The following VPS13B variants were observed in gnomAD, a reference collection of about 807,000 sequenced individuals.
The protein encoded by VPS13B is intermembrane lipid transfer protein VPS13B.
A neutral mutation model predicts 426.4 loss-of-function variants in VPS13B; 285 were observed. That is an observed-to-expected ratio of 0.67 (90% CI 0.61 to 0.74). VPS13B has a LOEUF of 0.74. Among genes scored for constraint, VPS13B ranks in the 30% least tolerant of loss-of-function variants. VPS13B has a pLI of 0.00. For synonymous variants in VPS13B, 1,676 were observed against 1,676.4 expected (o/e 1.00, Z 0.01); for missense variants, 4,537 against 4,782.6 (o/e 0.95, Z 1.51).
At chr8:99,469,351 T>A (rs1276328964) in intron 24 of VPS13B, among the ~76,000 whole-genome samples, 1 of 151,918 alleles carries the variant, frequency 6.6e-6, no homozygotes, top group Non-Finnish European at 1.5e-5. Context: ...TTCATTTTTA[T>A]TTTTTTGTAG....
chr8:99,612,755 G>A (rs1031379964), intron 33 of VPS13B, among the ~76,000 whole-genome samples: 1 of 152,202 alleles, frequency 6.6e-6, no homozygotes, highest in African/African-American at 2.4e-5. Flanking sequence ...AGCATTTAGA[G>A]GATTAGGACC....
intron 58 of VPS13B, among the ~76,000 whole-genome samples, chr8:99,863,519 G>C (rs766541066): frequency 6.6e-6 from 1 of 152,114 alleles, no homozygotes; most frequent in African/African-American, 2.4e-5. Flanking sequence ...GCTGGCTGGT[G>C]TGTGGCTGTC....
At chr8:99,807,086 TG>T (rs1431571702) in intron 43 of VPS13B, among the ~76,000 whole-genome samples, 2 of 152,364 alleles carry the variant, frequency 1.3e-5, no homozygotes, top group Admixed American at 1.3e-4. Flanking sequence ...ATTATGCATA[TG>T]GGAAGAAGTG....
chr8:99,521,203 G>T (rs991893813), intron 30 of VPS13B, among the ~76,000 whole-genome samples, 193 bp downstream of exon 30: 2 of 152,114 alleles, frequency 1.3e-5, no homozygotes, highest in Non-Finnish European at 2.9e-5. Context: ...TTTCTGTGAA[G>T]TGTTGATGAA....
chr8:99,596,043 C>T (rs142290041), intron 33 of VPS13B, among the ~76,000 whole-genome samples: 11 of 152,004 alleles, frequency 7.2e-5, no homozygotes, highest in African/African-American at 2.6e-4. Context: ...AATTGGAACC[C>T]TCTTACACTG....
In VPS13B at chr8:99,463,849, T is replaced by A. The variant is rs146498262; in HGVS notation, c.3446-3565T>A. ...CTGGGATTACAGGCGTGCACCACCA[T>A]GTCTGGCTAATTTTTTTGTATTTTT... On this transcript the variant is annotated intron_variant, in intron 23 of 61. Transcript: ENST00000357162. 4.2e-4 allele frequency among the ~76,000 whole-genome samples: 64 copies of A among 152,168 alleles called. No individual in the cohort carries two copies. In the East Asian group the frequency reaches 0.012, roughly 29 times the overall value.
intron 31 of VPS13B, among the ~76,000 whole-genome samples, chr8:99,560,201 C>T (rs1246083740): frequency 1.3e-5 from 2 of 152,040 alleles, no homozygotes; most frequent in African/African-American, 4.8e-5. Context: ...TGATTTGGCT[C>T]TCTGTTTGTC....
intron 25 of VPS13B, among the ~76,000 whole-genome samples, chr8:99,496,232 G>A (rs1820875898): frequency 6.6e-6 from 1 of 152,128 alleles, no homozygotes; most frequent in African/African-American, 2.4e-5. Context: ...CTTCAGCTAG[G>A]TGAAGTTGTC....
chr8:99,842,436 C>G (rs1815744844), intron 54 of VPS13B, among the ~76,000 whole-genome samples: 1 of 151,284 alleles, frequency 6.6e-6, no homozygotes, highest in Non-Finnish European at 1.5e-5. Context: ...GCAAGAACCC[C>G]TGTCTCTACA....
intron 2 of VPS13B, among the ~76,000 whole-genome samples, chr8:99,020,961 G>C (rs917109465): frequency 6.6e-6 from 1 of 152,188 alleles, no homozygotes; most frequent in African/African-American, 2.4e-5. Context: ...ATAAACTGCT[G>C]ATTTAATTTA....
chr8:99,150,019 T>G (rs894821883), intron 14 of VPS13B, among the ~76,000 whole-genome samples: 3 of 152,118 alleles, frequency 2.0e-5, no homozygotes, highest in Non-Finnish European at 4.4e-5. Context: ...GTGATAATCA[T>G]AGAAATAAAA....
chr8:99,618,649 C>T (rs1004386553), intron 33 of VPS13B, among the ~76,000 whole-genome samples: 2 of 152,228 alleles, frequency 1.3e-5, no homozygotes, highest in African/African-American at 4.8e-5. Flanking sequence ...TGCTGCTAAA[C>T]TTAACTCTGA....
intron 30 of VPS13B, among the ~76,000 whole-genome samples, chr8:99,542,063 G>C (rs948243692): frequency 2.6e-5 from 4 of 152,074 alleles, no homozygotes; most frequent in African/African-American, 7.2e-5. Context: ...CTTCATTATT[G>C]TATTTTTAGT....
intron 43 of VPS13B, among the ~76,000 whole-genome samples, chr8:99,786,426 C>G (rs1189820952): frequency 6.6e-6 from 1 of 152,114 alleles, no homozygotes; most frequent in East Asian, 1.9e-4. Context: ...TGTTGTCTCA[C>G]TCCCCTAGGT....
At chr8:99,384,839 C>A (rs1814027672) in intron 20 of VPS13B, among the ~76,000 whole-genome samples, 1 of 152,060 alleles carries the variant, frequency 6.6e-6, no homozygotes, top group Non-Finnish European at 1.5e-5. Context: ...GCCACCATGC[C>A]CAGCTAATTT....
intron 44 of VPS13B, among the ~76,000 whole-genome samples, chr8:99,813,095 T>TAG (rs1233765776): frequency 6.6e-6 from 1 of 152,238 alleles, no homozygotes; most frequent in Non-Finnish European, 1.5e-5. Flanking sequence ...GAAAAGCAGA[T>TAG]AGAGCTCTCC....
At chr8:99,667,580 G>A (rs1354080242) in intron 35 of VPS13B, among the ~76,000 whole-genome samples, 1 of 152,056 alleles carries the variant, frequency 6.6e-6, no homozygotes, top group Non-Finnish European at 1.5e-5. Context: ...TAACCTAACA[G>A]CCTGTAACTG....
At position 99,274,319 on chromosome 8, in the gene VPS13B, T is replaced by A; in HGVS notation, c.2637T>A (p.Cys879Ter). 1.9e-6 allele frequency: 3 copies of A among 1,614,124 alleles called. No homozygotes were observed. Among genetic ancestry groups the A allele is most frequent in the Non-Finnish European group, 2.5e-6 (3 of 1,180,014 alleles). ...GGACCATGGGATCAATAAAAATTTGTGCCAAAGCCCCAGGTATGTGCAGCT... is the reference window on the plus strand; with the variant it reads ...GGACCATGGGATCAATAAAAATTTGAGCCAAAGCCCCAGGTATGTGCAGCT... ...ASGTMGSIKICAKAPVDSGKE... is the reference protein window; with the variant it reads ...ASGTMGSIKI Residue 879 changes from cysteine to a stop codon, truncating the protein, a stop_gained, in exon 18 of 62, where the codon TGT (cysteine) becomes TGA (stop). Coordinates refer to ENST00000357162, the MANE Select transcript of VPS13B (RefSeq NM_152564.5). LOFTEE classifies it high-confidence loss of function.
At chr8:99,306,940 G>A (rs1820670557) in intron 19 of VPS13B, among the ~76,000 whole-genome samples, 1 of 152,106 alleles carries the variant, frequency 6.6e-6, no homozygotes, top group African/African-American at 2.4e-5. Flanking sequence ...TAGATTTCAA[G>A]CTATGCTTTG....
Sources: gnomAD v4.1 joint callset for allele counts (sites outside exome capture counted in the v4.1 genomes callset) on GRCh38, gnomAD v4.1.1 for gene constraint, MANE v1.5 for transcripts, NCBI Gene and HGNC (gene_info 2026-07-23, HGNC 2026-07-21) for gene names.